ADGRB3: variants seen among roughly 807,000 people sequenced by gnomAD.
ADGRB3 encodes adhesion G protein-coupled receptor B3.
ADGRB3 carries 37 observed loss-of-function variants against 193.4 expected under a neutral mutation model. The ratio of observed to expected loss-of-function variants is 0.19; its 90% confidence interval spans 0.15 to 0.25. The LOEUF (loss-of-function observed/expected upper bound fraction) is 0.25. Among genes scored for constraint, ADGRB3 ranks in the 10% least tolerant of loss-of-function variants. The pLI, the probability that ADGRB3 is intolerant of heterozygous loss-of-function variation, is 1.00. For missense variants in ADGRB3, 1,637 were observed against 1,852.9 expected (o/e 0.88, Z 2.14); for synonymous variants, 690 against 644.2 (o/e 1.07, Z -1.08).
In ADGRB3 at chr6:68,820,556, T is replaced by C. The variant is rs150014717; in HGVS notation, c.758-110003T>C. Among the ~76,000 whole-genome samples the C allele has an allele frequency of 5.0e-3, 756 of 152,108 alleles. 1 individual carries two copies. Among genetic ancestry groups the C allele is most frequent in the Admixed American group, 8.9e-3 (135 of 15,240 alleles). On this transcript the variant is annotated intron_variant, in intron 3 of 31. Transcript: ENST00000370598. ...ATACAATAAATTATTTTGACTATAG[T>C]CATCCTGTTGTGAATATCAAATACT...
At chr6:69,151,870 A>T (rs1314539336) in intron 17 of ADGRB3, among the ~76,000 whole-genome samples, 1 of 152,232 alleles carries the variant, frequency 6.6e-6, no homozygotes, top group East Asian at 1.9e-4. Flanking sequence ...GTGGGAGGTA[A>T]TTTAATCCTG....
At chr6:69,145,306 C>T (rs549501415) in intron 17 of ADGRB3, among the ~76,000 whole-genome samples, 14 of 152,286 alleles carry the variant, frequency 9.2e-5, no homozygotes, top group African/African-American at 3.4e-4. Context: ...GTATGGGTGC[C>T]GGCTCCCTGC....
At chr6:69,057,907 A>T (rs1384795899) in intron 15 of ADGRB3, among the ~76,000 whole-genome samples, 1 of 151,728 alleles carries the variant, frequency 6.6e-6, no homozygotes, top group Non-Finnish European at 1.5e-5. Flanking sequence ...TTTTTTATAT[A>T]TAGTATCTTT....
chr6:69,141,414 C>T (rs1256033569), intron 17 of ADGRB3, among the ~76,000 whole-genome samples: 4 of 151,560 alleles, frequency 2.6e-5, no homozygotes, highest in South Asian at 2.1e-4. Flanking sequence ...TGAGCCACTG[C>T]GCCCGGCCGG....
intron 20 of ADGRB3, among the ~76,000 whole-genome samples, chr6:69,246,379 T>G (rs1443307011): frequency 6.6e-6 from 1 of 152,208 alleles, no homozygotes; most frequent in Non-Finnish European, 1.5e-5. Flanking sequence ...TTATGTGTAA[T>G]TAACTTGGTT....
chr6:68,713,776 G>A (rs1004973059), intron 3 of ADGRB3, among the ~76,000 whole-genome samples: 3 of 150,708 alleles, frequency 2.0e-5, no homozygotes, highest in Non-Finnish European at 4.4e-5. Context: ...TTAAACCCAA[G>A]CTACAATTTT....
At chr6:69,376,234 C>T (rs919184416) in intron 30 of ADGRB3, among the ~76,000 whole-genome samples, 2 of 151,550 alleles carry the variant, frequency 1.3e-5, no homozygotes, top group Non-Finnish European at 2.9e-5. Flanking sequence ...GGACCACAGG[C>T]ATGTGCCACC....
At position 69,062,917 on chromosome 6, in the gene ADGRB3, T is replaced by C. The variant is rs13207626; in HGVS notation, c.2334-17T>C. The C allele has an allele frequency of 0.13, 195,441 of 1,561,056 alleles. 13,527 individuals carry two copies. The highest frequency in any genetic ancestry group is 0.19 in the Middle Eastern group (1,113 of 5,958). ...CAGCACTCATTTCTCCTTTTAATTA[T>C]AATTACTCTGTTGCAGAAATTATAC... On this transcript the variant is annotated splice_polypyrimidine_tract_variant and intron_variant, in intron 15 of 31. Coordinates refer to ENST00000370598, the MANE Select transcript of ADGRB3 (RefSeq NM_001704.3).
intron 13 of ADGRB3, among the ~76,000 whole-genome samples, chr6:69,021,365 A>G (rs1443671101): frequency 2.6e-5 from 4 of 151,914 alleles, no homozygotes; most frequent in Admixed American, 1.3e-4. Flanking sequence ...ACAGTCAAAT[A>G]TGAATGCCAA....
intron 3 of ADGRB3, among the ~76,000 whole-genome samples, chr6:68,780,682 A>G (rs1434692009): frequency 6.6e-6 from 1 of 152,078 alleles, no homozygotes; most frequent in Non-Finnish European, 1.5e-5. Flanking sequence ...TGCTAAGCAC[A>G]AGGGTTTTTT....
At chr6:68,998,012 C>G (rs1769441496) in intron 11 of ADGRB3, among the ~76,000 whole-genome samples, 1 of 152,072 alleles carries the variant, frequency 6.6e-6, no homozygotes, top group Admixed American at 6.6e-5. Context: ...CTTAAAATTT[C>G]AAATTATATA....
intron 17 of ADGRB3, among the ~76,000 whole-genome samples, chr6:69,124,542 C>A (rs1249649011): frequency 6.6e-6 from 1 of 152,058 alleles, no homozygotes; most frequent in Non-Finnish European, 1.5e-5. Flanking sequence ...AGAGTGTTGT[C>A]GGGTTTACAT....
At chr6:68,651,811 G>A (rs1252846446) in intron 3 of ADGRB3, among the ~76,000 whole-genome samples, 1 of 152,054 alleles carries the variant, frequency 6.6e-6, no homozygotes, top group Non-Finnish European at 1.5e-5. Context: ...GGTAGGAGAG[G>A]CAACTCCTCT....
intron 13 of ADGRB3, among the ~76,000 whole-genome samples, chr6:69,026,073 A>G (rs1770425665): frequency 6.6e-6 from 1 of 152,198 alleles, no homozygotes; most frequent in African/African-American, 2.4e-5. Context: ...TTCAGTAAAT[A>G]TCTGCCATGT....
intron 20 of ADGRB3, among the ~76,000 whole-genome samples, chr6:69,311,960 G>A (rs1768204821): frequency 1.3e-5 from 2 of 151,714 alleles, no homozygotes; most frequent in Admixed American, 1.3e-4. Flanking sequence ...CATAATTATT[G>A]AGAACTTAGT....
intron 20 of ADGRB3, among the ~76,000 whole-genome samples, chr6:69,240,839 T>A (rs974091002): frequency 1.3e-5 from 2 of 152,012 alleles, no homozygotes; most frequent in African/African-American, 2.4e-5. Flanking sequence ...CCCAATTTTT[T>A]AACTACTTGT....
chr6:68,833,044 T>C (rs796992024), intron 3 of ADGRB3, among the ~76,000 whole-genome samples: 42 of 152,260 alleles, frequency 2.8e-4, no homozygotes, highest in African/African-American at 9.9e-4. Context: ...GACAAGGTTG[T>C]TGCAGGAAGA....
At chr6:68,916,434 T>C (rs538427721) in intron 3 of ADGRB3, among the ~76,000 whole-genome samples, 1 of 152,284 alleles carries the variant, frequency 6.6e-6, no homozygotes, top group Non-Finnish European at 1.5e-5. Context: ...CCAAAGTACT[T>C]TTCAGTTGCT....
chr6:69,281,691 G>A (rs1767440401), intron 20 of ADGRB3, among the ~76,000 whole-genome samples: 1 of 152,156 alleles, frequency 6.6e-6, no homozygotes, highest in African/African-American at 2.4e-5. Flanking sequence ...CCAAGATTCT[G>A]GAGGGATTAG....
Sources: gnomAD v4.1 joint callset for allele counts (sites outside exome capture counted in the v4.1 genomes callset) on GRCh38, gnomAD v4.1.1 for gene constraint, MANE v1.5 for transcripts, NCBI Gene and HGNC (gene_info 2026-07-23, HGNC 2026-07-21) for gene names.